The following PTCH2 variants were observed in gnomAD, a reference collection of about 807,000 sequenced individuals.
The protein encoded by PTCH2 is protein patched homolog 2.
Under a neutral mutation model 117.9 loss-of-function variants are expected in PTCH2, and 96 were observed. That is an observed-to-expected ratio of 0.81 (90% CI 0.69 to 0.96). The LOEUF is 0.96. Ranked by LOEUF, PTCH2 falls within the 50% of genes least tolerant of loss-of-function variation. PTCH2 has a pLI of 0.00. For missense variants in PTCH2, 1,379 were observed against 1,562.5 expected, an observed-to-expected ratio of 0.88 and a Z score of 1.98; for synonymous variants, 615 against 660.9, an observed-to-expected ratio of 0.93 and a Z score of 1.06.
chr1:44,827,696 A>G lies in PTCH2; in HGVS notation c.2077T>C (p.Phe693Leu). 2 of 1,611,708 alleles carry G rather than the reference A, an allele frequency of 1.2e-6. No individual in the cohort carries two copies. The highest frequency in any genetic ancestry group is 1.7e-6 in the Non-Finnish European group (2 of 1,180,000). The change falls in exon 15 of 22, where the codon TTT becomes CTT. Residue 693 changes from phenylalanine to leucine, a missense_variant. By Grantham distance (22) the Phe-to-Leu change is conservative. Coordinates refer to ENST00000372192, the MANE Select transcript of PTCH2 (RefSeq NM_003738.5). ...AGGCTCAGGCCCAGAAGAGCACCAA[A>G]GAGCACCAGCACGATGGCCTGCGGG... Reference protein sequence around the residue: ...SHAKAIVLVLFGALLGLSLYG... With the variant: ...SHAKAIVLVLLGALLGLSLYG...
In PTCH2 at chr1:44,827,842, C is replaced by T; in HGVS notation, c.2058+1G>A. On this transcript the variant is annotated splice_donor_variant, in intron 14 of 21. Transcript: ENST00000372192. LOFTEE classifies it high-confidence loss of function. ...CTCTGCCCTGCTCTGCCCAGTCTTA[C>T]CTTAGCATGTGACTGGAGCAGCAAC... is the stretch of plus-strand genomic sequence containing the variant. 6.2e-7 allele frequency: 1 copy of T among 1,614,094 alleles called. No homozygotes were observed. The highest frequency in any genetic ancestry group is 8.5e-7 in the Non-Finnish European group (1 of 1,179,998).
In PTCH2 at chr1:44,831,828, C is replaced by T. The variant is rs751612929; in HGVS notation, c.526-31G>A. The T allele has an allele frequency of 2.5e-6, 4 of 1,607,142 alleles. No individual in the cohort carries two copies. The highest frequency in any genetic ancestry group is 1.7e-5 in the Admixed American group (1 of 59,782). ...AGGGATACCCCGGGCCACGTCAGTC[C>T]TGCCCCACAACCTTTGTAGGATGCC... On this transcript the variant is annotated intron_variant, in intron 4 of 21. Transcript: ENST00000372192. This position sits in a 1 kb window ranked among gnomAD's most constrained non-coding sequence, Gnocchi z 4.3.
chr1:44,820,493 C>T (rs1652868954), downstream of PTCH2: 1 of 685,722 alleles, frequency 1.5e-6, no homozygotes. Context: ...CACGACCCCA[C>T]CCCTCCTGGA....
Position 44,823,239 on chromosome 1 carries a change from CT to C in PTCH2, c.3257+3del, listed in dbSNP as rs758457727. ...CCTGCCTCCCTGCCCCGAGCCCTCC[CT>C]ACCTTACAATGAAGTCAAAGTGGGA... On this transcript the variant is annotated splice_donor_region_variant and intron_variant, in intron 20 of 21. Coordinates refer to ENST00000372192, the MANE Select transcript of PTCH2 (RefSeq NM_003738.5). This position sits in a 1 kb window ranked among gnomAD's most constrained non-coding sequence, Gnocchi z 5.1. The C allele has an allele frequency of 2.6e-4, 416 of 1,614,096 alleles. No individual in the cohort carries two copies. Among genetic ancestry groups the C allele is most frequent in the Non-Finnish European group, 3.4e-4 (401 of 1,180,030 alleles).
At position 44,827,219 on chromosome 1, in the gene PTCH2, T is replaced by C; in HGVS notation, c.2462A>G (p.Tyr821Cys). The C allele has an allele frequency of 6.2e-7, 1 of 1,614,074 alleles. No homozygotes were observed. The highest frequency in any genetic ancestry group is 1.1e-5 in the South Asian group (1 of 91,092). Reference sequence around the variant, plus strand: ...GTCTCCAGTCTGGATGAGCAGCTTGTAGGCCAGGGCCCCATCCTCAGAGCC... The same window carrying C: ...GTCTCCAGTCTGGATGAGCAGCTTGCAGGCCAGGGCCCCATCCTCAGAGCC... ...RNGSEDGALAYKLLIQTGDAQ... is the reference protein window; with the variant it reads ...RNGSEDGALACKLLIQTGDAQ... Residue 821 changes from tyrosine (Y) to cysteine (C), a missense_variant, in exon 16 of 22, where the codon TAC becomes TGC. Coordinates refer to ENST00000372192, the MANE Select transcript of PTCH2 (RefSeq NM_003738.5).
chr1:44,824,926 C>G (rs1653077433), intron 19 of PTCH2, among the ~76,000 whole-genome samples: 1 of 151,986 alleles, frequency 6.6e-6, no homozygotes, highest in Non-Finnish European at 1.5e-5. Context: ...CCAGCTTTAG[C>G]CTCCCAAAGT....
chr1:44,829,305 T>C lies in PTCH2; in HGVS notation c.1223A>G (p.Tyr408Cys), dbSNP rs140845138. ...CCACCGCAGCATGGTCACACAGGCA[T>C]AGGCCAGCTGTGGGGGGAAAGGGCA... is the stretch of plus-strand genomic sequence containing the variant. ...VVGGYLLMLAYACVTMLRWDC... is the reference protein window; with the variant it reads ...VVGGYLLMLACACVTMLRWDC... The change falls in exon 10 of 22, where the codon TAT becomes TGT. Residue 408 changes from tyrosine to cysteine, a missense_variant. Coordinates refer to ENST00000372192, the MANE Select transcript of PTCH2 (RefSeq NM_003738.5). The C allele has an allele frequency of 4.0e-5, 65 of 1,613,610 alleles. No individual in the cohort carries two copies. The Middle Eastern group carries it at 4.9e-4, about 12-fold the overall frequency.
chr1:44,831,055 G>T lies in PTCH2; in HGVS notation c.618-12C>A. On this transcript the variant is annotated splice_polypyrimidine_tract_variant and intron_variant, in intron 5 of 21. Transcript: ENST00000372192. The surrounding 1 kb of genome is among the most constrained non-coding windows in gnomAD (Gnocchi z 4.3). ...TATCCGGGCGGCCGCTGAGGGAAAA[G>T]CCTATAGTTGGTGAGGGTCAGGGAC... 1 of 1,608,986 alleles carries T rather than the reference G, an allele frequency of 6.2e-7. No homozygotes were observed. The highest frequency in any genetic ancestry group is 1.3e-5 in the African/African-American group (1 of 74,932).
intron 6 of PTCH2, among the ~76,000 whole-genome samples, chr1:44,830,646 T>A (rs1035112371): frequency 6.8e-6 from 1 of 148,142 alleles, no homozygotes; most frequent in Non-Finnish European, 1.5e-5. Flanking sequence ...AAAAAGGGAT[T>A]CATATATACC....
chr1:44,839,937 C>G (rs749454207), intron 2 of PTCH2, among the ~76,000 whole-genome samples: 1 of 151,874 alleles, frequency 6.6e-6, no homozygotes, highest in Non-Finnish European at 1.5e-5. Context: ...TGAAATAACT[C>G]GAGGGTGTGA....
Position 44,823,436 on chromosome 1 carries a change from C to G in PTCH2, c.3115-51G>C, listed in dbSNP as rs1414392899. 1 of 1,612,812 alleles carries G rather than the reference C, an allele frequency of 6.2e-7. No individual in the cohort carries two copies. Among genetic ancestry groups the G allele is most frequent in the Non-Finnish European group, 8.5e-7 (1 of 1,179,204 alleles). On this transcript the variant is annotated intron_variant, in intron 19 of 21. Transcript: ENST00000372192. The surrounding 1 kb of genome is among the most constrained non-coding windows in gnomAD (Gnocchi z 5.1). ...CTGCTCCTCTGCCAGTCATGGCCAG[C>G]TCAGCCATGTCCCGAGCTGTATCTG... is the stretch of plus-strand genomic sequence containing the variant.
Position 44,831,642 on chromosome 1 carries a change from C to G in PTCH2, c.617+64G>C, listed in dbSNP as rs1182976736. The stretch of plus-strand genomic sequence containing the variant: ...TTTTGATCATCCTCATTCCCCAGAC[C>G]CCTCCTTTCTGCTGGGAGAGTCCCC... On this transcript the variant is annotated intron_variant, in intron 5 of 21. Transcript: ENST00000372192. The surrounding 1 kb of genome is among the most constrained non-coding windows in gnomAD (Gnocchi z 4.3). The G allele has an allele frequency of 4.9e-6, 7 of 1,443,200 alleles. No homozygotes were observed. The highest frequency in any genetic ancestry group is 6.7e-6 in the Non-Finnish European group (7 of 1,048,742). The allele number at this position is 1,443,200 out of a possible 1,614,324, so 89.4% of individuals were successfully genotyped here.
In PTCH2 at chr1:44,832,210, C is replaced by G. The variant is rs2148880281; in HGVS notation, c.397G>C (p.Gly133Arg). 1 of 1,614,128 alleles carries G rather than the reference C, an allele frequency of 6.2e-7. No individual in the cohort carries two copies. Among genetic ancestry groups the G allele is most frequent in the South Asian group, 1.1e-5 (1 of 91,084 alleles). The change falls in exon 3 of 22, where the codon GGC becomes CGC. Residue 133 changes from glycine to arginine, a missense_variant. Coordinates refer to ENST00000372192, the MANE Select transcript of PTCH2 (RefSeq NM_003738.5). Reference protein sequence around the residue: ...GENILTPEALGLHLQAALTAS... With the variant: ...GENILTPEALRLHLQAALTAS... Reference sequence around the variant, plus strand: ...GTGAGGGCTGCCTGGAGGTGGAGGCCAAGTGCTTCGGGTGTGAGGATGTTC... The same window carrying G: ...GTGAGGGCTGCCTGGAGGTGGAGGCGAAGTGCTTCGGGTGTGAGGATGTTC...
chr1:44,830,739 A>G (rs1653406698), intron 6 of PTCH2, 109 bp downstream of exon 6: 1 of 1,130,786 alleles, frequency 8.8e-7, no homozygotes, highest in Non-Finnish European at 1.2e-6. Flanking sequence ...AATGGCCAGG[A>G]AGTGGGGGGT....
chr1:44,824,817 C>T (rs1557642297), intron 19 of PTCH2, among the ~76,000 whole-genome samples: 1 of 152,048 alleles, frequency 6.6e-6, no homozygotes, highest in Non-Finnish European at 1.5e-5. Context: ...GGATTACAGG[C>T]ACCTGCCACT....
At position 44,829,514 on chromosome 1, in the gene PTCH2, G is replaced by A; in HGVS notation, c.1103C>T (p.Pro368Leu). Residue 368 changes from proline to leucine, a missense_variant, in exon 9 of 22, where the codon CCT becomes CTT. By Grantham distance (98) the Pro-to-Leu change is moderately conservative. Coordinates refer to ENST00000372192, the MANE Select transcript of PTCH2 (RefSeq NM_003738.5). ...RFVQLAQEAL[P>L]ENASQQIHAF... The stretch of plus-strand genomic sequence containing the variant: ...ATGGATCTGCTGGGAAGCGTTCTCA[G>A]GCAGGGCCTCCTGGGCCAGCTGGAG... The A allele has an allele frequency of 6.2e-7, 1 of 1,614,226 alleles. No individual in the cohort carries two copies. The highest frequency in any genetic ancestry group is 8.5e-7 in the Non-Finnish European group (1 of 1,180,044).
chr1:44,840,213 C>T (rs1271985915), intron 2 of PTCH2, among the ~76,000 whole-genome samples: 2 of 151,452 alleles, frequency 1.3e-5, no homozygotes, highest in East Asian at 2.0e-4. Context: ...AGCAATTCTC[C>T]TGTCTCCGCT....
At chr1:44,825,392 C>T (rs193021658) in intron 19 of PTCH2, among the ~76,000 whole-genome samples, 287 of 152,312 alleles carry the variant, frequency 1.9e-3, no homozygotes, top group African/African-American at 6.3e-3. Context: ...CCCACCTCGG[C>T]TTCCCAAAGT....
Position 44,829,250 on chromosome 1 carries a change from G to C in PTCH2, c.1278C>G (p.Gly426=). The C allele has an allele frequency of 6.2e-7, 1 of 1,613,520 alleles. No homozygotes were observed. The highest frequency in any genetic ancestry group is 8.5e-7 in the Non-Finnish European group (1 of 1,180,020). Reference sequence around the variant, plus strand: ...GGGCCACCAGCAGTACCCCGGCAAGGCCCACGGAACCCTGGGACTGGGCGC... The same window carrying C: ...GGGCCACCAGCAGTACCCCGGCAAGCCCCACGGAACCCTGGGACTGGGCGC... ...WDCAQSQGSV[G]LAGVLLVALA... The change falls in exon 10 of 22, where the codon GGC becomes GGG. Residue 426 remains glycine (G), a synonymous_variant. Transcript: ENST00000372192.
Sources: allele counts gnomAD v4.1 joint callset (sites outside exome capture counted in the v4.1 genomes callset), GRCh38; gene constraint gnomAD v4.1.1; non-coding constraint Gnocchi (gnomAD v3.1); transcripts MANE v1.5; gene names NCBI Gene and HGNC (gene_info 2026-07-23, HGNC 2026-07-21).